MTSS1: variants seen among roughly 807,000 people sequenced by gnomAD.
MTSS1 encodes protein MTSS 1.
A neutral mutation model predicts 79.0 loss-of-function variants in MTSS1; 18 were observed. The observed-to-expected ratio is 0.23, with a 90% CI of 0.16 to 0.34. The LOEUF is 0.34. MTSS1 is among the 10% of genes least tolerant of loss of function. The pLI is 1.00. For missense variants in MTSS1, 815 were observed against 986.2 expected (o/e 0.83, Z 2.33); for synonymous variants, 341 against 368.6 (o/e 0.93, Z 0.86).
chr8:124,636,042 C>T (rs118142775), intron 3 of MTSS1, among the ~76,000 whole-genome samples: 3 of 152,040 alleles, frequency 2.0e-5, no homozygotes, highest in South Asian at 2.1e-4. Flanking sequence ...AGGGTGCATT[C>T]GACAGGCTCC....
rs572992121 is a variant in MTSS1, at chr8:124,630,479, C to T, written c.209-39244G>A. ...ACTTGTGACTCAGGGGGCCTATGGG[C>T]CAGCAGCAAGATCATGGAGCCCCAG... On this transcript the variant is annotated intron_variant, in intron 3 of 13. Coordinates refer to ENST00000518547, the MANE Select transcript of MTSS1 (RefSeq NM_014751.6). 3.9e-5 allele frequency among the ~76,000 whole-genome samples: 6 copies of T among 152,354 alleles called. No homozygotes were observed. The South Asian group carries it at 1.2e-3, about 32-fold the overall frequency.
chr8:124,672,878 T>TAC (rs141195353), intron 3 of MTSS1, among the ~76,000 whole-genome samples: 1 of 150,306 alleles, frequency 6.7e-6, no homozygotes, highest in Non-Finnish European at 1.5e-5. Flanking sequence ...CACACATGCA[T>TAC]ACACACACAC....
intron 7 of MTSS1, 32 bp downstream of exon 7, chr8:124,568,346 GT>G: frequency 6.2e-7 from 1 of 1,603,506 alleles, no homozygotes; most frequent in East Asian, 2.2e-5. Context: ...TACACCAGCA[GT>G]TTAAACCTTC....
chr8:124,670,481 G>A (rs1010306752), intron 3 of MTSS1, among the ~76,000 whole-genome samples: 3 of 151,738 alleles, frequency 2.0e-5, no homozygotes, highest in Admixed American at 6.5e-5. Context: ...TCCTGACGTC[G>A]TCGTACTTGC....
At chr8:124,611,547 C>T (rs534809575) in intron 3 of MTSS1, among the ~76,000 whole-genome samples, 6 of 152,124 alleles carry the variant, frequency 3.9e-5, no homozygotes, top group African/African-American at 9.6e-5. Context: ...AACAGACCCT[C>T]GGCTCCCTTC....
chr8:124,728,003 T>G lies in MTSS1; in HGVS notation c.-48A>C, dbSNP rs773742116. 6.4e-7 allele frequency: 1 copy of G among 1,553,622 alleles called. No individual in the cohort carries two copies. Among genetic ancestry groups the G allele is most frequent in the South Asian group, 1.1e-5 (1 of 88,150 alleles). On this transcript the variant is annotated 5_prime_UTR_variant, in exon 1 of 14. Coordinates refer to ENST00000518547, the MANE Select transcript of MTSS1 (RefSeq NM_014751.6). This position sits in a 1 kb window ranked among gnomAD's most constrained non-coding sequence, Gnocchi z 6.1. ...GGGCACACACGCGGGGCCGCTGGACTGCGCGCGGGGCCGGGGCTCGCTCAC... is the reference window on the plus strand; with the variant it reads ...GGGCACACACGCGGGGCCGCTGGACGGCGCGCGGGGCCGGGGCTCGCTCAC...
chr8:124,690,465 T>C (rs752920434), intron 3 of MTSS1, among the ~76,000 whole-genome samples: 1 of 152,216 alleles, frequency 6.6e-6, no homozygotes, highest in Non-Finnish European at 1.5e-5. Context: ...TTTTGGTAAA[T>C]GTGGGATTCC....
chr8:124,563,014 G>A lies in MTSS1; in HGVS notation c.825-22C>T, dbSNP rs767645280. ...GCTGCTGTGGAGGACAAGCAGGGGTGAGGGGTGGGCACGGAAGGTAAAGAA... is the reference window on the plus strand; with the variant it reads ...GCTGCTGTGGAGGACAAGCAGGGGTAAGGGGTGGGCACGGAAGGTAAAGAA... On this transcript the variant is annotated intron_variant, in intron 9 of 13. Coordinates refer to ENST00000518547, the MANE Select transcript of MTSS1 (RefSeq NM_014751.6). 5 of 1,586,156 alleles carry A rather than the reference G, an allele frequency of 3.2e-6. No homozygotes were observed. The South Asian group carries it at 4.6e-5, about 14-fold the overall frequency.
intron 3 of MTSS1, among the ~76,000 whole-genome samples, chr8:124,620,360 T>C (rs573134866): frequency 6.6e-6 from 1 of 152,290 alleles, no homozygotes; most frequent in African/African-American, 2.4e-5. Context: ...TTTTTGTCTG[T>C]GGGAAAATGC....
rs564720095 is a variant in MTSS1, at chr8:124,713,715, C to T, written c.73-9524G>A. Among the ~76,000 whole-genome samples, 11 of 152,130 alleles carry T rather than the reference C, an allele frequency of 7.2e-5. No homozygotes were observed. The East Asian group carries it at 7.8e-4, about 11-fold the overall frequency. On this transcript the variant is annotated intron_variant, in intron 1 of 13. Transcript: ENST00000518547. ...CTGGGATTACAGGTATGAGCCACTG[C>T]GCCCTGCCTGTTTTCTTGTTTTGAG...
intron 11 of MTSS1, among the ~76,000 whole-genome samples, chr8:124,557,250 G>GA (rs1428820030): frequency 3.9e-5 from 6 of 152,324 alleles, no homozygotes; most frequent in Admixed American, 3.3e-4. Flanking sequence ...GCTCATTAGG[G>GA]AAAATGGGAA....
chr8:124,709,080 G>A lies in MTSS1; in HGVS notation c.73-4889C>T, dbSNP rs544688538. On this transcript the variant is annotated intron_variant, in intron 1 of 13. Transcript: ENST00000518547. ...GTTTTACTATAATAATTCAAGCTTAGAGGAAGTAAGAAAGGAGGAAGAAGG... is the reference window on the plus strand; with the variant it reads ...GTTTTACTATAATAATTCAAGCTTAAAGGAAGTAAGAAAGGAGGAAGAAGG... Among the ~76,000 whole-genome samples, 18 of 152,240 alleles carry A rather than the reference G, an allele frequency of 1.2e-4. No individual in the cohort carries two copies. The South Asian group carries it at 3.7e-3, about 32-fold the overall frequency.
At chr8:124,555,621 C>G (rs1823488324) in intron 13 of MTSS1, 121 bp downstream of exon 13, 1 of 1,238,750 alleles carries the variant, frequency 8.1e-7, no homozygotes, top group African/African-American at 1.5e-5. Context: ...ATGACGAAAA[C>G]AATCCTGACA....
chr8:124,694,583 T>C (rs1204106535), intron 3 of MTSS1, among the ~76,000 whole-genome samples: 1 of 152,078 alleles, frequency 6.6e-6, no homozygotes, highest in Non-Finnish European at 1.5e-5. Flanking sequence ...CTGTTCTGAG[T>C]GGTTCATGTG....
chr8:124,659,355 C>T (rs966156279), intron 3 of MTSS1, among the ~76,000 whole-genome samples: 1 of 152,170 alleles, frequency 6.6e-6, no homozygotes, highest in East Asian at 1.9e-4. Context: ...TTCTCCATGA[C>T]ACTCAATCTA....
chr8:124,705,466 G>A (rs370635260), intron 1 of MTSS1, among the ~76,000 whole-genome samples: 4 of 151,940 alleles, frequency 2.6e-5, no homozygotes, highest in East Asian at 1.9e-4. Flanking sequence ...GCAACACTCC[G>A]TCTCAAAAAA....
intron 3 of MTSS1, among the ~76,000 whole-genome samples, chr8:124,674,357 T>C (rs1405329754): frequency 6.6e-6 from 1 of 152,184 alleles, no homozygotes; most frequent in East Asian, 1.9e-4. Flanking sequence ...AAAATATGCA[T>C]AATCTGCATC....
intron 12 of MTSS1, 62 bp downstream of exon 12, chr8:124,556,170 A>G (rs1049178471): frequency 6.2e-7 from 1 of 1,610,238 alleles, no homozygotes; most frequent in African/African-American, 1.3e-5. Flanking sequence ...GTTGCTGGCC[A>G]GAATGTGATC....
intron 3 of MTSS1, among the ~76,000 whole-genome samples, chr8:124,694,656 T>A (rs1369083007): frequency 6.6e-6 from 1 of 152,116 alleles, no homozygotes; most frequent in Non-Finnish European, 1.5e-5. Flanking sequence ...TTTTCTTAAT[T>A]TCCTTAATTT....
Sources: gnomAD v4.1 joint callset for allele counts (sites outside exome capture counted in the v4.1 genomes callset) on GRCh38, gnomAD v4.1.1 for gene constraint, Gnocchi (gnomAD v3.1) non-coding constraint, MANE v1.5 for transcripts, NCBI Gene and HGNC (gene_info 2026-07-23, HGNC 2026-07-21) for gene names.